The following DGKH variants were observed in gnomAD, a reference collection of about 807,000 sequenced individuals.
DGKH encodes diacylglycerol kinase eta.
In DGKH, 90 loss-of-function variants were observed where a neutral mutation model predicts 159.3. The observed-to-expected ratio is 0.57, with a 90% CI of 0.48 to 0.67. The LOEUF (loss-of-function observed/expected upper bound fraction) is 0.67. Ranked by LOEUF, DGKH falls within the 30% of genes least tolerant of loss-of-function variation. The pLI, the probability that DGKH is intolerant of heterozygous loss-of-function variation, is 0.00. For synonymous variants in DGKH, 536 were observed against 553.8 expected, an observed-to-expected ratio of 0.97 and a Z score of 0.45; for missense variants, 1,181 against 1,506.1, an observed-to-expected ratio of 0.78 and a Z score of 3.57.
At chr13:42,206,572 C>A (rs945225187) in intron 21 of DGKH, among the ~76,000 whole-genome samples, 3 of 152,158 alleles carry the variant, frequency 2.0e-5, no homozygotes, top group African/African-American at 7.2e-5. Flanking sequence ...GGGAGACTGG[C>A]ACAGTCTTAC....
At chr13:42,057,112 G>A (rs1881819801) in intron 1 of DGKH, among the ~76,000 whole-genome samples, 1 of 151,920 alleles carries the variant, frequency 6.6e-6, no homozygotes, top group Non-Finnish European at 1.5e-5. Flanking sequence ...GATTATTTTA[G>A]AAAAAAATGC....
In DGKH at chr13:42,203,997, C is replaced by G. The variant is rs550921176; in HGVS notation, c.2494-2042C>G. ...TTCCTCGTATTTTTCCTATGAGACT[C>G]TATGAAATGGACATTAAGCATTTAG... On this transcript the variant is annotated intron_variant, in intron 20 of 29. Transcript: ENST00000337343. Among the ~76,000 whole-genome samples the G allele has an allele frequency of 1.3e-3, 192 of 152,246 alleles. 1 individual carries two copies. The highest frequency in any genetic ancestry group is 4.3e-3 in the African/African-American group (177 of 41,548).
chr13:42,166,024 A>T (rs1956304953), intron 8 of DGKH, among the ~76,000 whole-genome samples: 1 of 152,104 alleles, frequency 6.6e-6, no homozygotes, highest in African/African-American at 2.4e-5. Flanking sequence ...TGATATTCAT[A>T]GGGTTCCTGC....
intron 2 of DGKH, among the ~76,000 whole-genome samples, chr13:42,128,959 G>A (rs1020849417): frequency 6.6e-6 from 1 of 152,230 alleles, no homozygotes; most frequent in Non-Finnish European, 1.5e-5. Flanking sequence ...TGAACAATGA[G>A]TGACTAAAAG....
At chr13:42,219,602 A>T in intron 27 of DGKH, 84 bp from the exon 28 acceptor site, 1 of 1,348,086 alleles carries the variant, frequency 7.4e-7, no homozygotes, top group Non-Finnish European at 1.0e-6. Context: ...TTTATAACTT[A>T]TTCCTGTGTT....
chr13:42,072,556 T>C (rs1883042042), intron 1 of DGKH, among the ~76,000 whole-genome samples: 1 of 152,194 alleles, frequency 6.6e-6, no homozygotes, highest in African/African-American at 2.4e-5. Context: ...AAAAAATGTT[T>C]ACCTTGCAAA....
rs773284430 is a variant in DGKH at position 42,159,352 on chromosome 13, A to G, written c.709A>G (p.Ile237Val). The change falls in exon 6 of 30, where the codon ATT becomes GTT. Residue 237 changes from isoleucine to valine, a missense_variant. Coordinates refer to ENST00000337343, the MANE Select transcript of DGKH (RefSeq NM_178009.5). ...WTTLASIGKD[I>V]IEDEDGVAMP... ...TACCCTGGCCTCCATCGGGAAGGAC[A>G]TTATAGAAGATGAAGATGGCGTAAG... The G allele has an allele frequency of 6.2e-7, 1 of 1,602,362 alleles. No homozygotes were observed. The highest frequency in any genetic ancestry group is 2.3e-5 in the East Asian group (1 of 44,390).
chr13:42,170,733 A>C (rs575483470), intron 11 of DGKH, among the ~76,000 whole-genome samples: 7 of 152,224 alleles, frequency 4.6e-5, no homozygotes, highest in Non-Finnish European at 8.8e-5. Context: ...ACCTGAGGTC[A>C]GGAGTTCGAG....
intron 7 of DGKH, among the ~76,000 whole-genome samples, chr13:42,164,060 C>CTTCCTCATA (rs1956256706): frequency 6.6e-6 from 1 of 152,008 alleles, no homozygotes; most frequent in Admixed American, 6.6e-5. Context: ...GGAAGGGATC[C>CTTCCTCATA]AGTTTCAGCT....
chr13:42,064,740 G>A (rs1437327511), intron 1 of DGKH, among the ~76,000 whole-genome samples: 1 of 152,182 alleles, frequency 6.6e-6, no homozygotes, highest in Non-Finnish European at 1.5e-5. Context: ...TTAGAGATGC[G>A]TTAATAACAG....
chr13:42,212,311 C>T (rs1404058685), intron 24 of DGKH, among the ~76,000 whole-genome samples: 3 of 152,122 alleles, frequency 2.0e-5, no homozygotes, highest in Non-Finnish European at 4.4e-5. Context: ...AGAATCAAGT[C>T]TTACAACTGC....
intron 1 of DGKH, among the ~76,000 whole-genome samples, chr13:42,041,170 T>G (rs1209983892): frequency 2.0e-5 from 3 of 152,166 alleles, no homozygotes; most frequent in Non-Finnish European, 4.4e-5. Context: ...GCGACGGCCC[T>G]GCGAGGACCG....
chr13:42,216,090 C>T (rs1345370177), intron 26 of DGKH, among the ~76,000 whole-genome samples: 3 of 152,236 alleles, frequency 2.0e-5, no homozygotes, highest in Admixed American at 2.0e-4. Context: ...TTTCTAGACA[C>T]AGTGTTTCAA....
chr13:42,099,872 A>G (rs1374099385), intron 1 of DGKH, among the ~76,000 whole-genome samples: 1 of 152,234 alleles, frequency 6.6e-6, no homozygotes, highest in Non-Finnish European at 1.5e-5. Flanking sequence ...TGGGGGCTGC[A>G]GAGGTGCTTC....
rs916830284 is a variant in DGKH at position 42,195,003 on chromosome 13, A to G, written c.2154A>G (p.Arg718=). 2 of 1,613,932 alleles carry G rather than the reference A, an allele frequency of 1.2e-6. No homozygotes were observed. Among genetic ancestry groups the G allele is most frequent in the Non-Finnish European group, 8.5e-7 (1 of 1,179,902 alleles). Residue 718 remains arginine, a synonymous_variant, in exon 17 of 30, where the codon AGA becomes AGG. Transcript: ENST00000337343. ...AAAACCTCCCTGTGCTCAATACCAG[A>G]ATAATCTGCCCAGGTAGTACAGATT... ...SKENLPVLNT[R]IICPGLRAGL...
chr13:42,247,577 GA>G (rs1383822540), downstream of DGKH, among the ~76,000 whole-genome samples: 14 of 151,892 alleles, frequency 9.2e-5, no homozygotes, highest in South Asian at 6.2e-4. Context: ...CTTATTGAAA[GA>G]AAAAAAAGTT....
intron 3 of DGKH, among the ~76,000 whole-genome samples, chr13:42,139,381 T>C (rs1446691848): frequency 6.6e-6 from 1 of 152,210 alleles, no homozygotes; most frequent in East Asian, 1.9e-4. Context: ...TCCCAGGACA[T>C]AGATCAGTTT....
At chr13:42,051,506 T>C (rs1332829232) in intron 1 of DGKH, among the ~76,000 whole-genome samples, 1 of 152,154 alleles carries the variant, frequency 6.6e-6, no homozygotes, top group East Asian at 1.9e-4. Flanking sequence ...TAACGTTGGT[T>C]CCCAGTCTTC....
intron 29 of DGKH, among the ~76,000 whole-genome samples, chr13:42,248,640 T>C (rs1311709353): frequency 6.8e-6 from 1 of 147,952 alleles, no homozygotes; most frequent in Non-Finnish European, 1.5e-5. Flanking sequence ...TTGTAATATA[T>C]AATTATGATA....
Sources: gnomAD v4.1 joint callset for allele counts (sites outside exome capture counted in the v4.1 genomes callset) on GRCh38, gnomAD v4.1.1 for gene constraint, MANE v1.5 for transcripts, NCBI Gene and HGNC (gene_info 2026-07-23, HGNC 2026-07-21) for gene names.